SLC37A3: variants seen among roughly 807,000 people sequenced by gnomAD.
SLC37A3 encodes the protein sugar phosphate exchanger 3.
SLC37A3 carries 51 observed loss-of-function variants against 67.1 expected under a neutral mutation model. The observed-to-expected ratio is 0.76, with a 90% CI of 0.61 to 0.96. SLC37A3 has a LOEUF of 0.96. Among genes scored for constraint, SLC37A3 ranks in the 40% least tolerant of loss-of-function variants. The pLI, the probability that SLC37A3 is intolerant of heterozygous loss-of-function variation, is 0.00. For synonymous variants in SLC37A3, 214 were observed against 231.4 expected (o/e 0.92, Z 0.68); for missense variants, 508 against 603.0 (o/e 0.84, Z 1.65).
chr7:140,384,302 G>A (rs576834696), intron 1 of SLC37A3, among the ~76,000 whole-genome samples: 2 of 152,136 alleles, frequency 1.3e-5, no homozygotes, highest in South Asian at 2.1e-4. Context: ...AGTTCTCTCC[G>A]GGTAGTGAAA....
intron 1 of SLC37A3, among the ~76,000 whole-genome samples, chr7:140,394,555 G>A (rs908747059): frequency 2.7e-5 from 4 of 150,284 alleles, no homozygotes; most frequent in African/African-American, 9.8e-5. Context: ...CTGGGAGGCT[G>A]AGGCAGCAGT....
chr7:140,351,428 C>G lies in SLC37A3; in HGVS notation c.727G>C (p.Glu243Gln), dbSNP rs1310903188. ...CTGTGTGAGTCTTCTTCAAAGTTTT[C>G]TTCTGCCTCAATACCCGAGAGACCT... ...EIGLSGIEAE[E>Q]NFEEDSHRPL... The change falls in exon 9 of 15, where the codon GAA (glutamate) becomes CAA (glutamine). Residue 243 changes from glutamate to glutamine, a missense_variant. Physicochemically the swap from Glu to Gln is conservative, Grantham distance 29 (BLOSUM62 2). Transcript: ENST00000326232. 1.4e-5 allele frequency: 23 copies of G among 1,614,146 alleles called. No homozygotes were observed. Among genetic ancestry groups the G allele is most frequent in the Non-Finnish European group, 1.9e-5 (23 of 1,180,006 alleles).
Position 140,380,030 on chromosome 7 carries a change from A to C in SLC37A3, c.198+252T>G, listed in dbSNP as rs1436377494. 1.5e-5 allele frequency: 4 copies of C among 269,370 alleles called. No homozygotes were observed. In the East Asian group the frequency reaches 2.1e-4, roughly 14 times the overall value. 16.7% of individuals were successfully genotyped at this position (269,370 alleles called of 1,614,324 possible). A position where few individuals can be genotyped will look rare whatever the true frequency, so the allele number is the denominator to read the frequency against. On this transcript the variant is annotated intron_variant, in intron 3 of 14. Coordinates refer to ENST00000326232, the MANE Select transcript of SLC37A3 (RefSeq NM_207113.3). ...GACAGAAACGAGCACAGCACTAACG[A>C]AAGCCAGTGAAAAAACAGCCTTGTC...
At chr7:140,377,879 TA>T (rs1000861570) in intron 3 of SLC37A3, among the ~76,000 whole-genome samples, 5 of 151,952 alleles carry the variant, frequency 3.3e-5, no homozygotes, top group African/African-American at 1.2e-4. Flanking sequence ...AAAAATAATT[TA>T]AAAAAAATTT....
chr7:140,362,637 C>G lies in SLC37A3; in HGVS notation c.375+1771G>C, dbSNP rs1797385047. On this transcript the variant is annotated intron_variant, in intron 5 of 14. Transcript: ENST00000326232. ...CTGCCCCTACTGGGAAGTGAGGACC[C>G]CTCTGCCCGGCCAGCCGCCCCGTCC... Among the ~76,000 whole-genome samples the G allele has an allele frequency of 2.8e-5, 2 of 70,450 alleles. 1 individual carries two copies. The highest frequency in any genetic ancestry group is 6.3e-5 in the Non-Finnish European group (2 of 31,988). 46.2% of individuals were successfully genotyped at this position (70,450 alleles called of 152,430 possible).
At chr7:140,364,516 C>T (rs1256212711) in intron 4 of SLC37A3, 25 bp from the exon 5 acceptor site, 14 of 1,602,812 alleles carry the variant, frequency 8.7e-6, no homozygotes, top group African/African-American at 2.7e-5. Context: ...TTTTCTTTTA[C>T]AGCTCTAAAT....
intron 1 of SLC37A3, among the ~76,000 whole-genome samples, chr7:140,393,293 G>A (rs766240946): frequency 6.6e-6 from 1 of 152,300 alleles, no homozygotes; most frequent in South Asian, 2.1e-4. Context: ...CTTGCCAGAG[G>A]TTGGAGGTCC....
chr7:140,363,944 G>C (rs888754159), intron 5 of SLC37A3, among the ~76,000 whole-genome samples: 3 of 152,244 alleles, frequency 2.0e-5, no homozygotes, highest in Admixed American at 2.0e-4. Context: ...AAAGGAACCT[G>C]ATTAGAATCT....
intron 13 of SLC37A3, among the ~76,000 whole-genome samples, chr7:140,341,089 T>C (rs2117022957): frequency 6.6e-6 from 1 of 152,258 alleles, no homozygotes; most frequent in South Asian, 2.1e-4. Flanking sequence ...CATACCACCA[T>C]GCTCAGCTAA....
chr7:140,377,218 T>G (rs367593384), intron 3 of SLC37A3, among the ~76,000 whole-genome samples: 5 of 151,856 alleles, frequency 3.3e-5, no homozygotes, highest in Non-Finnish European at 7.4e-5. Flanking sequence ...GTGTTTTTTT[T>G]TTTGTTTTGT....
At chr7:140,343,358 C>G in intron 13 of SLC37A3, 54 bp downstream of exon 13, 1 of 1,610,242 alleles carries the variant, frequency 6.2e-7, no homozygotes, top group African/African-American at 1.3e-5. Flanking sequence ...GGTTCACATT[C>G]AGCCGCCTTT....
chr7:140,397,274 A>C, intron 1 of SLC37A3, among the ~76,000 whole-genome samples: 1 of 135,558 alleles, frequency 7.4e-6, no homozygotes, highest in African/African-American at 2.7e-5. Context: ...GCTCACTGCA[A>C]CCTCCGCCTC....
intron 1 of SLC37A3, among the ~76,000 whole-genome samples, chr7:140,389,596 C>T (rs942674221): frequency 6.6e-5 from 10 of 152,280 alleles, no homozygotes; most frequent in African/African-American, 2.4e-4. Flanking sequence ...ACTGTTTTGC[C>T]ATTGCAGTTC....
At chr7:140,359,035 C>G (rs1797154009) in intron 5 of SLC37A3, among the ~76,000 whole-genome samples, 1 of 152,162 alleles carries the variant, frequency 6.6e-6, no homozygotes, top group Non-Finnish European at 1.5e-5. Flanking sequence ...ATCAGCCCTC[C>G]AACTGACATC....
chr7:140,370,198 A>G (rs1189685872), intron 3 of SLC37A3, among the ~76,000 whole-genome samples: 1 of 151,564 alleles, frequency 6.6e-6, no homozygotes, highest in Non-Finnish European at 1.5e-5. Flanking sequence ...GTAATTGTAC[A>G]TATTGAGGGA....
rs1296087838 is a variant in SLC37A3, at chr7:140,345,278, A to G, written c.1127-15T>C. 1.2e-5 allele frequency: 19 copies of G among 1,612,892 alleles called. No individual in the cohort carries two copies. The highest frequency in any genetic ancestry group is 1.2e-5 in the Non-Finnish European group (14 of 1,179,156). ...ATTTGGAGAACCTGTGAGGGAAGAC[A>G]CAGACAAACCATGGTGGCTTGAAAA... On this transcript the variant is annotated splice_polypyrimidine_tract_variant and intron_variant, in intron 11 of 14. Coordinates refer to ENST00000326232, the MANE Select transcript of SLC37A3 (RefSeq NM_207113.3).
intron 12 of SLC37A3, among the ~76,000 whole-genome samples, chr7:140,344,290 T>C (rs544762598): frequency 6.6e-6 from 1 of 151,014 alleles, no homozygotes; most frequent in Non-Finnish European, 1.5e-5. Flanking sequence ...TAGCTGGGCA[T>C]GGTAGCAGGC....
intron 13 of SLC37A3, 82 bp from the exon 14 acceptor site, chr7:140,337,431 C>G: frequency 1.8e-6 from 2 of 1,131,344 alleles, no homozygotes; most frequent in Non-Finnish European, 2.5e-6. Context: ...TTAAACATGG[C>G]TATTTTAGAA....
chr7:140,348,118 T>C (rs1017568962), intron 10 of SLC37A3, among the ~76,000 whole-genome samples: 1 of 152,212 alleles, frequency 6.6e-6, no homozygotes, highest in Non-Finnish European at 1.5e-5. Flanking sequence ...TTGTACGGTA[T>C]TAAGAGTAAC....
Sources: gnomAD v4.1 joint callset for allele counts (sites outside exome capture counted in the v4.1 genomes callset) on GRCh38, gnomAD v4.1.1 for gene constraint, MANE v1.5 for transcripts, NCBI Gene and HGNC (gene_info 2026-07-23, HGNC 2026-07-21) for gene names.